The following SDK1 variants were observed in gnomAD, a reference collection of about 807,000 sequenced individuals.
The protein encoded by SDK1 is sidekick cell adhesion molecule 1.
Under a neutral mutation model 245.5 loss-of-function variants are expected in SDK1, and 157 were observed. The observed-to-expected ratio is 0.64, with a 90% CI of 0.56 to 0.73. The LOEUF (loss-of-function observed/expected upper bound fraction) is 0.73, where lower values mean the gene tolerates loss of function less well. SDK1 is among the 30% of genes least tolerant of loss of function. The probability of loss-of-function intolerance (pLI) is 0.00; values close to 1 mark genes in which losing one functional copy is unlikely to be tolerated. For synonymous variants in SDK1, 1,647 were observed against 1,278.5 expected, an observed-to-expected ratio of 1.29 and a Z score of -6.15; for missense variants, 3,583 against 3,002.3, an observed-to-expected ratio of 1.19 and a Z score of -4.52.
In SDK1 at chr7:3,662,140, A is replaced by G. The variant is rs183368006; in HGVS notation, c.713+20035A>G. Among the ~76,000 whole-genome samples, 90 of 150,660 alleles carry G rather than the reference A, an allele frequency of 6.0e-4. 1 individual carries two copies. Among genetic ancestry groups the G allele is most frequent in the African/African-American group, 2.1e-3 (87 of 40,858 alleles). ...GGTTACTTTCATCCCATCTGGAGGC[A>G]CAACAATTATTTTCTTAATCCTTTA... On this transcript the variant is annotated intron_variant, in intron 4 of 44. Coordinates refer to ENST00000404826, the MANE Select transcript of SDK1 (RefSeq NM_152744.4).
intron 1 of SDK1, among the ~76,000 whole-genome samples, chr7:3,617,407 A>G (rs1781804205): frequency 1.3e-5 from 2 of 152,338 alleles, no homozygotes; most frequent in South Asian, 4.1e-4. Context: ...CATATTGTGC[A>G]GGAGGAGCTT....
At chr7:3,595,792 C>T (rs62440179) in intron 1 of SDK1, among the ~76,000 whole-genome samples, 2,357 of 125,864 alleles carry the variant, frequency 0.019, 29 homozygotes, top group Non-Finnish European at 0.028. Context: ...AGTGCCACTG[C>T]ACTCCAGCCT....
intron 4 of SDK1, among the ~76,000 whole-genome samples, chr7:3,675,463 C>T (rs1007724157): frequency 1.3e-5 from 2 of 152,164 alleles, no homozygotes; most frequent in African/African-American, 4.8e-5. Flanking sequence ...TTTCCAGTTT[C>T]CTGTTTCATT....
chr7:4,093,750 C>T (rs1781957718), intron 22 of SDK1, among the ~76,000 whole-genome samples: 1 of 152,198 alleles, frequency 6.6e-6, no homozygotes, highest in African/African-American at 2.4e-5. Flanking sequence ...TGTCTCTCTC[C>T]TAAGCACACG....
At chr7:3,792,988 G>A (rs985145756) in intron 4 of SDK1, among the ~76,000 whole-genome samples, 12 of 152,180 alleles carry the variant, frequency 7.9e-5, no homozygotes, top group Admixed American at 1.3e-4. Flanking sequence ...ACATAAGGGG[G>A]AGGAAAAGAT....
intron 4 of SDK1, among the ~76,000 whole-genome samples, chr7:3,788,986 C>T (rs1414342546): frequency 6.6e-6 from 1 of 152,186 alleles, no homozygotes; most frequent in Non-Finnish European, 1.5e-5. Context: ...CATGGGTTGT[C>T]ATTGGTTGGC....
At chr7:3,487,040 A>G (rs1048823581) in intron 1 of SDK1, among the ~76,000 whole-genome samples, 1 of 152,200 alleles carries the variant, frequency 6.6e-6, no homozygotes, top group African/African-American at 2.4e-5. Flanking sequence ...GCTTCTGTCA[A>G]AACCACTCAG....
At chr7:4,209,697 CA>C (rs1356960615) in intron 37 of SDK1, among the ~76,000 whole-genome samples, 4 of 152,156 alleles carry the variant, frequency 2.6e-5, no homozygotes, top group Admixed American at 2.6e-4. Context: ...AATCCTCCAG[CA>C]GTTGCTAGAA....
At chr7:4,171,067 G>T (rs1380492618) in intron 32 of SDK1, among the ~76,000 whole-genome samples, 2 of 152,182 alleles carry the variant, frequency 1.3e-5, no homozygotes, top group East Asian at 1.9e-4. Context: ...TCCCTGGTCA[G>T]GTTTGGATTT....
chr7:3,466,905 T>C (rs1781017582), intron 1 of SDK1, among the ~76,000 whole-genome samples: 1 of 151,714 alleles, frequency 6.6e-6, no homozygotes, highest in Admixed American at 6.6e-5. Context: ...GCTGGAAATA[T>C]TTACAAACCA....
At chr7:4,218,348 G>A (rs1414598282) in intron 38 of SDK1, among the ~76,000 whole-genome samples, 22 of 151,688 alleles carry the variant, frequency 1.5e-4, no homozygotes, top group Admixed American at 1.3e-3. Context: ...AGCTGGGATC[G>A]CACCACTGCA....
intron 17 of SDK1, among the ~76,000 whole-genome samples, chr7:4,034,708 G>C (rs1788088931): frequency 6.6e-6 from 1 of 152,122 alleles, no homozygotes; most frequent in Non-Finnish European, 1.5e-5. Flanking sequence ...CAAATGAAAA[G>C]ATACAGGTAC....
At chr7:3,651,083 C>G (rs374154490) in intron 4 of SDK1, among the ~76,000 whole-genome samples, 1 of 151,038 alleles carries the variant, frequency 6.6e-6, no homozygotes, top group Non-Finnish European at 1.5e-5. Flanking sequence ...CACACATGCC[C>G]AGGAGTGGAA....
chr7:4,048,629 C>T (rs1789204241), intron 17 of SDK1, among the ~76,000 whole-genome samples: 1 of 152,184 alleles, frequency 6.6e-6, no homozygotes, highest in East Asian at 1.9e-4. Context: ...CAAACACAGT[C>T]CAGATGAGGC....
At chr7:3,371,900 T>TCA (rs1413572278) in intron 1 of SDK1, among the ~76,000 whole-genome samples, 1 of 152,170 alleles carries the variant, frequency 6.6e-6, no homozygotes, top group African/African-American at 2.4e-5. Flanking sequence ...AGATCTATCC[T>TCA]CACAATTTGA....
intron 1 of SDK1, among the ~76,000 whole-genome samples, chr7:3,525,392 G>A (rs73035962): frequency 0.22 from 34,089 of 151,912 alleles, 4,212 homozygotes; most frequent in East Asian, 0.32. Flanking sequence ...CCTTGCTCCT[G>A]GGGTTGTTTG....
intron 39 of SDK1, among the ~76,000 whole-genome samples, chr7:4,220,515 G>GTTTT (rs34675135): frequency 0.26 from 36,008 of 140,132 alleles, 4,980 homozygotes; most frequent in African/African-American, 0.36. Flanking sequence ...AGTTTTAGTT[G>GTTTT]TTTTTTTTTT....
intron 30 of SDK1, among the ~76,000 whole-genome samples, chr7:4,154,681 C>T (rs920482367): frequency 2.0e-5 from 3 of 152,164 alleles, no homozygotes; most frequent in Admixed American, 2.0e-4. Flanking sequence ...GCCCTGGAAG[C>T]CCCGGTGCTG....
intron 41 of SDK1, among the ~76,000 whole-genome samples, chr7:4,236,234 G>A (rs1279768423): frequency 6.6e-6 from 1 of 152,152 alleles, no homozygotes; most frequent in Non-Finnish European, 1.5e-5. Flanking sequence ...GTTCTGGGGG[G>A]CTTCCAGTGC....
Sources: allele counts gnomAD v4.1 joint callset (sites outside exome capture counted in the v4.1 genomes callset), GRCh38; gene constraint gnomAD v4.1.1; transcripts MANE v1.5; gene names NCBI Gene and HGNC (gene_info 2026-07-23, HGNC 2026-07-21).